The following CNTNAP5 variants were observed in gnomAD, a reference collection of about 807,000 sequenced individuals.
CNTNAP5 encodes the protein contactin-associated protein-like 5.
CNTNAP5 carries 72 observed loss-of-function variants against 150.2 expected under a neutral mutation model. The observed-to-expected ratio is 0.48, with a 90% CI of 0.40 to 0.58. The LOEUF (loss-of-function observed/expected upper bound fraction) is 0.58, where lower values mean the gene tolerates loss of function less well. Among genes scored for constraint, CNTNAP5 ranks in the 20% least tolerant of loss-of-function variants. CNTNAP5 has a pLI of 0.00. For missense variants in CNTNAP5, 1,636 were observed against 1,626.2 expected (o/e 1.01, Z -0.10); for synonymous variants, 672 against 619.8 (o/e 1.08, Z -1.25).
chr2:124,288,026 C>T (rs1312885310), intron 3 of CNTNAP5, among the ~76,000 whole-genome samples: 1 of 152,146 alleles, frequency 6.6e-6, no homozygotes, highest in Non-Finnish European at 1.5e-5. Context: ...ACCTCCCTGG[C>T]TCAAGTGATG....
intron 22 of CNTNAP5, among the ~76,000 whole-genome samples, chr2:124,906,532 G>A (rs573445385): frequency 6.6e-6 from 1 of 152,184 alleles, no homozygotes; most frequent in South Asian, 2.1e-4. Flanking sequence ...GTCATGATGT[G>A]TTAGTAGGAA....
chr2:124,551,326 G>A (rs1319592752), intron 10 of CNTNAP5, among the ~76,000 whole-genome samples: 1 of 152,100 alleles, frequency 6.6e-6, no homozygotes, highest in African/African-American at 2.4e-5. Flanking sequence ...ATTTCTTAAT[G>A]TCTGCATCTG....
intron 3 of CNTNAP5, among the ~76,000 whole-genome samples, chr2:124,251,754 G>T (rs898937095): frequency 6.6e-6 from 1 of 152,100 alleles, no homozygotes; most frequent in South Asian, 2.1e-4. Flanking sequence ...TAGAAGAAGT[G>T]CTATGATTTT....
At chr2:124,066,436 G>A (rs1459664499) in intron 1 of CNTNAP5, among the ~76,000 whole-genome samples, 2 of 152,080 alleles carry the variant, frequency 1.3e-5, no homozygotes, top group Non-Finnish European at 2.9e-5. Flanking sequence ...TTTTAAATTA[G>A]TAATATCCCA....
chr2:124,315,401 G>T (rs1688938112), intron 3 of CNTNAP5, among the ~76,000 whole-genome samples: 1 of 152,126 alleles, frequency 6.6e-6, no homozygotes, highest in Non-Finnish European at 1.5e-5. Context: ...ATCTGGCCCT[G>T]TGGTTTTCAA....
intron 3 of CNTNAP5, among the ~76,000 whole-genome samples, chr2:124,368,172 A>G (rs543822532): frequency 7.2e-4 from 109 of 152,336 alleles, no homozygotes; most frequent in African/African-American, 2.5e-3. Flanking sequence ...GATTAGTGCA[A>G]TCCTGATATT....
intron 10 of CNTNAP5, among the ~76,000 whole-genome samples, chr2:124,555,189 T>C (rs1317211895): frequency 6.6e-6 from 1 of 152,216 alleles, no homozygotes; most frequent in Non-Finnish European, 1.5e-5. Context: ...TTTTGTGACC[T>C]TTTTTCTCTT....
intron 4 of CNTNAP5, among the ~76,000 whole-genome samples, chr2:124,432,438 C>A (rs1039436109): frequency 4.6e-5 from 7 of 152,090 alleles, no homozygotes; most frequent in African/African-American, 1.4e-4. Flanking sequence ...GGCCAATATA[C>A]CACTCACTTT....
chr2:124,041,033 G>A (rs1027526956), intron 1 of CNTNAP5, among the ~76,000 whole-genome samples: 1 of 152,132 alleles, frequency 6.6e-6, no homozygotes. Flanking sequence ...TCTGAGAAAA[G>A]ACCTGGACTT....
At chr2:124,092,729 C>A (rs576470590) in intron 1 of CNTNAP5, among the ~76,000 whole-genome samples, 1 of 152,142 alleles carries the variant, frequency 6.6e-6, no homozygotes, top group Non-Finnish European at 1.5e-5. Flanking sequence ...GACTGAGGTA[C>A]CAAAGTTGGT....
Position 124,429,595 on chromosome 2 carries a change from T to A in CNTNAP5, c.530-4889T>A, listed in dbSNP as rs769506416. Among the ~76,000 whole-genome samples, 19 of 152,138 alleles carry A rather than the reference T, an allele frequency of 1.2e-4. 1 individual carries two copies. Among genetic ancestry groups the A allele is most frequent in the Non-Finnish European group, 2.2e-4 (15 of 68,016 alleles). Reference sequence around the variant, plus strand: ...TTAATATTGCAGAAGTGCAGAGTGTTTGGCTGAAATCTCTGAGAACAGCAA... The same window carrying A: ...TTAATATTGCAGAAGTGCAGAGTGTATGGCTGAAATCTCTGAGAACAGCAA... On this transcript the variant is annotated intron_variant, in intron 4 of 23. Coordinates refer to ENST00000682447, the MANE Select transcript of CNTNAP5 (RefSeq NM_001367498.1).
intron 13 of CNTNAP5, among the ~76,000 whole-genome samples, chr2:124,716,595 T>C (rs1208582876): frequency 1.4e-5 from 2 of 147,306 alleles, no homozygotes; most frequent in African/African-American, 2.4e-5. Context: ...TATAAGGGCA[T>C]TGAAAAACTT....
chr2:124,873,626 C>A lies in CNTNAP5; in HGVS notation c.3436+3864C>A, dbSNP rs117176720. On this transcript the variant is annotated intron_variant, in intron 21 of 23. Transcript: ENST00000682447. ...TAGAAAGGACGCTAATCCTGGGGGA[C>A]CTTTGGAACAAGGAAACCAAACCCT... 3.3e-3 allele frequency among the ~76,000 whole-genome samples: 508 copies of A among 151,986 alleles called. 3 individuals carry two copies. The highest frequency in any genetic ancestry group is 0.012 in the East Asian group (64 of 5,160).
At chr2:124,483,008 G>C (rs1693795601) in intron 7 of CNTNAP5, among the ~76,000 whole-genome samples, 1 of 152,188 alleles carries the variant, frequency 6.6e-6, no homozygotes, top group Non-Finnish European at 1.5e-5. Flanking sequence ...ATTACTCGCT[G>C]TTTCTGGAAT....
Position 124,443,589 on chromosome 2 carries a change from CA to C in CNTNAP5, c.734-3163del, listed in dbSNP as rs1692728449. ...AGATGGAGGAAGTGAGGAAGGGAGG[CA>C]GGGAGGGTGTTTTACTATACCCAAA... On this transcript the variant is annotated intron_variant, in intron 5 of 23. Transcript: ENST00000682447. 2.0e-5 allele frequency among the ~76,000 whole-genome samples: 3 copies of C among 151,920 alleles called. No individual in the cohort carries two copies. The South Asian group carries it at 6.3e-4, about 32-fold the overall frequency.
intron 3 of CNTNAP5, among the ~76,000 whole-genome samples, chr2:124,271,672 T>TCTAC (rs1687758120): frequency 1.7e-5 from 2 of 118,430 alleles, no homozygotes; most frequent in Non-Finnish European, 3.7e-5. Flanking sequence ...TATCTATCTA[T>TCTAC]CTATCTATCT....
At position 124,447,809 on chromosome 2, in the gene CNTNAP5, G is replaced by A. The variant is rs894243146; in HGVS notation, c.918+872G>A. Among the ~76,000 whole-genome samples, 60 of 152,132 alleles carry A rather than the reference G, an allele frequency of 3.9e-4. 1 individual carries two copies. Among genetic ancestry groups the A allele is most frequent in the African/African-American group, 1.3e-3 (52 of 41,416 alleles). Reference sequence around the variant, plus strand: ...AAGAATAGGGTTAGAAGACTGGGGAGGCAAGACAGAGCATGGTTCAAAAAA... The same window carrying A: ...AAGAATAGGGTTAGAAGACTGGGGAAGCAAGACAGAGCATGGTTCAAAAAA... On this transcript the variant is annotated intron_variant, in intron 6 of 23. Coordinates refer to ENST00000682447, the MANE Select transcript of CNTNAP5 (RefSeq NM_001367498.1).
At chr2:124,368,496 T>C (rs1690432746) in intron 3 of CNTNAP5, among the ~76,000 whole-genome samples, 2 of 152,158 alleles carry the variant, frequency 1.3e-5, no homozygotes, top group South Asian at 2.1e-4. Flanking sequence ...CTTAGAAATA[T>C]ACTTCACATG....
chr2:124,248,863 T>C (rs1459787061), intron 3 of CNTNAP5, among the ~76,000 whole-genome samples: 1 of 152,202 alleles, frequency 6.6e-6, no homozygotes, highest in East Asian at 1.9e-4. Context: ...TGTAGTGGGA[T>C]AGGATCCAAC....
Sources: gnomAD v4.1 joint callset for allele counts (sites outside exome capture counted in the v4.1 genomes callset) on GRCh38, gnomAD v4.1.1 for gene constraint, MANE v1.5 for transcripts, NCBI Gene and HGNC (gene_info 2026-07-23, HGNC 2026-07-21) for gene names.